MAPK14: variants seen among roughly 807,000 people sequenced by gnomAD.
MAPK14 encodes the protein mitogen-activated protein kinase 14.
In MAPK14, 16 loss-of-function variants were observed where a neutral mutation model predicts 49.6. The observed-to-expected ratio is 0.32, with a 90% CI of 0.22 to 0.49. The LOEUF (loss-of-function observed/expected upper bound fraction) is 0.49, where lower values mean the gene tolerates loss of function less well. Ranked by LOEUF, MAPK14 falls within the 20% of genes least tolerant of loss-of-function variation. The probability of loss-of-function intolerance (pLI) is 0.99; values close to 1 mark genes in which losing one functional copy is unlikely to be tolerated. For synonymous variants in MAPK14, 142 were observed against 158.0 expected, an observed-to-expected ratio of 0.90 and a Z score of 0.76; for missense variants, 200 against 441.2, an observed-to-expected ratio of 0.45 and a Z score of 4.90.
In MAPK14 at chr6:36,028,326, G is replaced by A; in HGVS notation, c.116+53G>A. The A allele has an allele frequency of 1.5e-6, 2 of 1,308,814 alleles. No individual in the cohort carries two copies. Among genetic ancestry groups the A allele is most frequent in the Non-Finnish European group, 2.2e-6 (2 of 904,900 alleles). The allele number at this position is 1,308,814 out of a possible 1,614,324, so 81.1% of individuals were successfully genotyped here. A position where few individuals can be genotyped will look rare whatever the true frequency, so the allele number is the denominator to read the frequency against. On this transcript the variant is annotated intron_variant, in intron 1 of 11. Coordinates refer to ENST00000229794, the MANE Select transcript of MAPK14 (RefSeq NM_139012.3). The surrounding 1 kb of genome is among the most constrained non-coding windows in gnomAD (Gnocchi z 5.1). ...GTGGGCAGGGTGGCCCCTCGCGCCC[G>A]AGGGCCAGGCCTGCTCCACTGCTCA...
intron 3 of MAPK14, among the ~76,000 whole-genome samples, chr6:36,071,570 T>C (rs907009859): frequency 2.6e-5 from 4 of 152,130 alleles, no homozygotes; most frequent in African/African-American, 9.7e-5. Flanking sequence ...TAAAACATGT[T>C]CCTCCTTCCT....
intron 10 of MAPK14, among the ~76,000 whole-genome samples, chr6:36,106,206 T>A (rs1765792299): frequency 6.6e-6 from 1 of 152,176 alleles, no homozygotes; most frequent in Admixed American, 6.5e-5. Flanking sequence ...CTTACCAAAA[T>A]TTTTGACCTA....
chr6:36,116,994 T>C, the MAPK14 span, among the ~76,000 whole-genome samples: 3 of 152,182 alleles, frequency 2.0e-5, no homozygotes, highest in Non-Finnish European at 4.4e-5. Context: ...GACAATCCTC[T>C]TTTGGTTTTT....
intron 3 of MAPK14, among the ~76,000 whole-genome samples, chr6:36,070,413 C>T (rs756865262): frequency 4.6e-5 from 7 of 152,124 alleles, no homozygotes; most frequent in African/African-American, 1.2e-4. Flanking sequence ...GAAATGGGAA[C>T]GCTAATGGAC....
chr6:36,102,656 T>G lies in MAPK14; in HGVS notation c.841+7T>G. On this transcript the variant is annotated splice_region_variant and intron_variant, in intron 10 of 11. Transcript: ENST00000229794. ...ATTGGTGCCAATCCCCTGGGTAAGT[T>G]GACCATATATCCTCACCTCATGGAT... 1 of 1,613,478 alleles carries G rather than the reference T, an allele frequency of 6.2e-7. No individual in the cohort carries two copies. The highest frequency in any genetic ancestry group is 8.5e-7 in the Non-Finnish European group (1 of 1,179,398).
At chr6:36,040,736 G>T (rs1411571651) in intron 1 of MAPK14, among the ~76,000 whole-genome samples, 1 of 152,166 alleles carries the variant, frequency 6.6e-6, no homozygotes, top group East Asian at 1.9e-4. Context: ...AAGGAAATTA[G>T]CATGAAGTCC....
the MAPK14 span, among the ~76,000 whole-genome samples, chr6:36,119,361 C>G: frequency 3.3e-5 from 5 of 152,184 alleles, no homozygotes; most frequent in African/African-American, 1.2e-4. Flanking sequence ...GTCCATTTGG[C>G]AGGATTCAGT....
intron 3 of MAPK14, among the ~76,000 whole-genome samples, chr6:36,070,799 T>C (rs900399808): frequency 2.0e-5 from 3 of 152,036 alleles, no homozygotes; most frequent in Non-Finnish European, 2.9e-5. Flanking sequence ...ATAAATATAG[T>C]GTATTAGTTG....
chr6:36,067,459 A>G (rs1764105254), intron 3 of MAPK14, among the ~76,000 whole-genome samples: 1 of 151,134 alleles, frequency 6.6e-6, no homozygotes, highest in African/African-American at 2.5e-5. Flanking sequence ...GAGTGATAGA[A>G]TGAGTGAATA....
downstream of MAPK14, among the ~76,000 whole-genome samples, chr6:36,113,353 A>G (rs1306521064): frequency 7.4e-6 from 1 of 135,892 alleles, no homozygotes; most frequent in Non-Finnish European, 1.5e-5. Context: ...TAAAAAAAAA[A>G]AAAAAAAAAA....
intron 1 of MAPK14, among the ~76,000 whole-genome samples, chr6:36,047,212 A>G (rs1022676058): frequency 6.6e-6 from 1 of 152,198 alleles, no homozygotes; most frequent in Non-Finnish European, 1.5e-5. Context: ...TGACAGAGTA[A>G]TGGCTTCTTA....
intron 1 of MAPK14, among the ~76,000 whole-genome samples, chr6:36,045,303 A>G (rs1324134932): frequency 6.6e-6 from 1 of 152,196 alleles, no homozygotes; most frequent in African/African-American, 2.4e-5. Flanking sequence ...CATTTTTACC[A>G]CATTATATGT....
intron 8 of MAPK14, among the ~76,000 whole-genome samples, chr6:36,079,738 T>A (rs1439342928): frequency 6.6e-6 from 1 of 152,196 alleles, no homozygotes; most frequent in Non-Finnish European, 1.5e-5. Context: ...AGAACTTTTG[T>A]GGTATTGCAA....
rs1211301376 is a variant in MAPK14, at chr6:36,109,559, A to G, written c.*1112A>G. On this transcript the variant is annotated 3_prime_UTR_variant, in exon 12 of 12. Coordinates refer to ENST00000229794, the MANE Select transcript of MAPK14 (RefSeq NM_139012.3). ...AGCCCCTAGTGCTATTCTGTGTTGA[A>G]CACAATTGATACTTCAGGTGCTTTT... 2 of 152,660 alleles carry G rather than the reference A, an allele frequency of 1.3e-5. No individual in the cohort carries two copies. The highest frequency in any genetic ancestry group is 2.9e-5 in the Non-Finnish European group (2 of 68,036). The allele number at this position is 152,660 out of a possible 1,614,324, so 9.5% of individuals were successfully genotyped here.
chr6:36,063,497 A>T (rs1345682481), intron 3 of MAPK14, among the ~76,000 whole-genome samples: 1 of 152,114 alleles, frequency 6.6e-6, no homozygotes, highest in Non-Finnish European at 1.5e-5. Context: ...GTCTAAGGTG[A>T]GAGGATCATT....
the MAPK14 span, among the ~76,000 whole-genome samples, chr6:36,122,869 T>C: frequency 6.6e-6 from 1 of 152,094 alleles, no homozygotes; most frequent in East Asian, 1.9e-4. Context: ...AGATTCAGAC[T>C]CAGCCCTGTC....
At chr6:36,091,391 CGTT>C (rs1394499617) in intron 8 of MAPK14, among the ~76,000 whole-genome samples, 1 of 151,996 alleles carries the variant, frequency 6.6e-6, no homozygotes, top group Non-Finnish European at 1.5e-5. Context: ...TAAATTTTGA[CGTT>C]GTGATCATTA....
intron 3 of MAPK14, among the ~76,000 whole-genome samples, chr6:36,070,258 G>T (rs371341529): frequency 5.9e-5 from 9 of 152,192 alleles, no homozygotes; most frequent in African/African-American, 2.2e-4. Context: ...TGTATCAGCT[G>T]AAAGAATTGT....
At chr6:36,115,582 T>C (rs879592805), downstream of MAPK14, among the ~76,000 whole-genome samples, 8 of 151,178 alleles carry the variant, frequency 5.3e-5, no homozygotes, top group South Asian at 2.1e-4. Flanking sequence ...GTCAGGAGTT[T>C]AGGATGAGCC....
Sources: gnomAD v4.1 joint callset for allele counts (sites outside exome capture counted in the v4.1 genomes callset) on GRCh38, gnomAD v4.1.1 for gene constraint, Gnocchi (gnomAD v3.1) non-coding constraint, MANE v1.5 for transcripts, NCBI Gene and HGNC (gene_info 2026-07-23, HGNC 2026-07-21) for gene names.